GAREM2: variants seen among roughly 807,000 people sequenced by gnomAD.
GAREM2 encodes the protein GRB2 associated regulator of MAPK1 subtype 2.
A neutral mutation model predicts 55.6 loss-of-function variants in GAREM2; 30 were observed. The observed-to-expected ratio is 0.54, with a 90% confidence interval of 0.40 to 0.73. The LOEUF (loss-of-function observed/expected upper bound fraction) is 0.73. Ranked by LOEUF, GAREM2 falls within the 30% of genes least tolerant of loss-of-function variation. The pLI, the probability that GAREM2 is intolerant of heterozygous loss-of-function variation, is 0.00. For synonymous variants in GAREM2, 550 were observed against 569.1 expected (o/e 0.97, Z 0.48); for missense variants, 1,075 against 1,257.7 (o/e 0.85, Z 2.20).
intron 5 of GAREM2, among the ~76,000 whole-genome samples, chr2:26,186,715 C>T (rs1669270613): frequency 6.6e-6 from 1 of 152,202 alleles, no homozygotes. Context: ...GTGGCTGATG[C>T]CGGTAATCCC....
At chr2:26,186,085 A>T (rs1028635990) in intron 4 of GAREM2, 104 bp from the exon 5 acceptor site, 2 of 1,175,010 alleles carry the variant, frequency 1.7e-6, no homozygotes, top group African/African-American at 3.1e-5. Flanking sequence ...AAGTGGGGCA[A>T]ATGTCAGGCC....
At chr2:26,183,648 G>A (rs1669127703) in intron 3 of GAREM2, among the ~76,000 whole-genome samples, 1 of 152,224 alleles carries the variant, frequency 6.6e-6, no homozygotes, top group Non-Finnish European at 1.5e-5. Context: ...ACTGTTGCCA[G>A]GAGTTTGAGG....
intron 2 of GAREM2, 38 bp downstream of exon 2, chr2:26,176,522 G>A (rs1331520322): frequency 6.8e-7 from 1 of 1,475,896 alleles, no homozygotes; most frequent in South Asian, 1.4e-5. Flanking sequence ...AAGCCTGTAG[G>A]GGGGTGTAGG....
Position 26,189,228 on chromosome 2 carries a change from T to A in GAREM2, c.*971T>A, listed in dbSNP as rs1669408316. 6.6e-6 allele frequency: 1 copy of A among 152,008 alleles called. No individual in the cohort carries two copies. Among genetic ancestry groups the A allele is most frequent in the Non-Finnish European group, 1.5e-5 (1 of 68,022 alleles). 9.4% of individuals were successfully genotyped at this position (152,008 alleles called of 1,614,324 possible). A position where few individuals can be genotyped will look rare whatever the true frequency, so the allele number is the denominator to read the frequency against. On this transcript the variant is annotated 3_prime_UTR_variant, in exon 6 of 6. Coordinates refer to ENST00000401533, the MANE Select transcript of GAREM2 (RefSeq NM_001168241.2). ...GCACAGGAGGGTACAGTTGGGAGAG[T>A]GCGTTCCTGGAGCTCAGTCCTGCAT...
At chr2:26,204,050 G>C in the GAREM2 span, 12 of 1,613,220 alleles carry the variant, frequency 7.4e-6, no homozygotes, top group South Asian at 7.7e-5. Flanking sequence ...CAAAGAGAGA[G>C]AGCAGGCTTA....
downstream of GAREM2, chr2:26,191,008 C>T (rs1669479458): frequency 8.5e-6 from 5 of 588,936 alleles, no homozygotes; most frequent in South Asian, 9.8e-5. Flanking sequence ...CACTCTAGGC[C>T]TCGGGGCTTA....
chr2:26,181,537 ATTTC>A (rs764104571), intron 2 of GAREM2: 39 of 152,106 alleles, frequency 2.6e-4, no homozygotes, highest in South Asian at 6.2e-4. Flanking sequence ...TTATATCTGG[ATTTC>A]TTTAAGGGCA....
chr2:26,173,426 C>T, intron 1 of GAREM2, 94 bp downstream of exon 1: 1 of 595,584 alleles, frequency 1.7e-6, no homozygotes, highest in East Asian at 3.7e-5. Context: ...GGGTGCGGCA[C>T]CCGCACCCTC....
In GAREM2 at chr2:26,187,417, C is replaced by A. The variant is rs759258238; in HGVS notation, c.1785C>A (p.Ala595=). The A allele has an allele frequency of 3.2e-6, 5 of 1,547,840 alleles. No individual in the cohort carries two copies. Among genetic ancestry groups the A allele is most frequent in the East Asian group, 2.4e-5 (1 of 40,858 alleles). The change falls in exon 6 of 6, where the codon GCC becomes GCA. Residue 595 remains alanine, a synonymous_variant. Coordinates refer to ENST00000401533, the MANE Select transcript of GAREM2 (RefSeq NM_001168241.2). ...TCACAGAGCCTCTGAGCGGTCGAGC[C>A]GCCTCCCTTCTGGGGGCTGACACCC... is the stretch of plus-strand genomic sequence containing the variant. ...RALTEPLSGR[A]ASLLGADTPV...
chr2:26,186,078 TG>T, intron 4 of GAREM2, 110 bp from the exon 5 acceptor site: 1 of 1,088,894 alleles, frequency 9.2e-7, no homozygotes, highest in Non-Finnish European at 1.3e-6. Flanking sequence ...ATTGGCAAAG[TG>T]GGGCAAATGT....
the GAREM2 span, among the ~76,000 whole-genome samples, chr2:26,200,484 C>T: frequency 5.3e-5 from 8 of 152,274 alleles, no homozygotes; most frequent in African/African-American, 1.4e-4. Flanking sequence ...AGCATCTGGA[C>T]GAACTGTCTT....
downstream of GAREM2, chr2:26,189,685 T>C (rs1446783962): frequency 5.6e-5 from 3 of 53,752 alleles, no homozygotes; most frequent in Non-Finnish European, 1.1e-4. Context: ...AGCTGCTTTC[T>C]TCTTTTGAAA....
chr2:26,204,217 G>T, the GAREM2 span: 1 of 1,612,416 alleles, frequency 6.2e-7, no homozygotes, highest in Non-Finnish European at 8.5e-7. Context: ...AGGATGAAAT[G>T]ACTTTCGGTA....
chr2:26,203,691 T>A, the GAREM2 span, among the ~76,000 whole-genome samples: 30 of 152,288 alleles, frequency 2.0e-4, no homozygotes, highest in East Asian at 2.3e-3. Context: ...GTTTGAATAA[T>A]CCTTAACAAT....
intron 3 of GAREM2, among the ~76,000 whole-genome samples, 175 bp downstream of exon 3, chr2:26,183,272 A>T (rs1669113731): frequency 6.6e-6 from 1 of 152,348 alleles, no homozygotes; most frequent in Non-Finnish European, 1.5e-5. Context: ...AATAGGACCC[A>T]CTGGGCTGAA....
chr2:26,194,900 C>T, the GAREM2 span, among the ~76,000 whole-genome samples: 1 of 151,972 alleles, frequency 6.6e-6, no homozygotes, highest in Admixed American at 6.6e-5. Flanking sequence ...CTGCCACATC[C>T]TAGATACTCC....
chr2:26,196,484 C>T, the GAREM2 span, among the ~76,000 whole-genome samples: 1 of 152,150 alleles, frequency 6.6e-6, no homozygotes, highest in Non-Finnish European at 1.5e-5. Flanking sequence ...TCCATATAAT[C>T]ACTAACCCAA....
rs1487277203 is a variant in GAREM2 at position 26,176,451 on chromosome 2, G to A, written c.220G>A (p.Gly74Arg). The change falls in exon 2 of 6, where the codon GGG becomes AGG. Residue 74 changes from glycine (G) to arginine (R), a missense_variant. This residue lies in a region of GAREM2 where 230 missense variants were observed against 310.6 expected (regional missense o/e 0.74). Coordinates refer to ENST00000401533, the MANE Select transcript of GAREM2 (RefSeq NM_001168241.2). Reference protein sequence around the residue: ...HTLEEGHYVIGPKIDIPLQYP... With the variant: ...HTLEEGHYVIRPKIDIPLQYP... ...CCTGGAGGAGGGCCACTATGTCATCGGGCCCAAGATCGACATCCCCCTGCA... is the reference window on the plus strand; with the variant it reads ...CCTGGAGGAGGGCCACTATGTCATCAGGCCCAAGATCGACATCCCCCTGCA... 3.9e-6 allele frequency: 6 copies of A among 1,549,628 alleles called. No homozygotes were observed. The highest frequency in any genetic ancestry group is 4.4e-6 in the Non-Finnish European group (5 of 1,145,916).
At chr2:26,183,233 C>A (rs1366761677) in intron 3 of GAREM2, 136 bp downstream of exon 3, 11 of 859,568 alleles carry the variant, frequency 1.3e-5, no homozygotes, top group Non-Finnish European at 2.0e-5. Context: ...GGGTCTTTGG[C>A]ACAATCAAGC....
Sources: gnomAD v4.1 joint callset for allele counts (sites outside exome capture counted in the v4.1 genomes callset) on GRCh38, gnomAD v4.1.1 for gene constraint, gnomAD v4.1.1 regional missense constraint, MANE v1.5 for transcripts, NCBI Gene and HGNC (gene_info 2026-07-23, HGNC 2026-07-21) for gene names.